Variants in EGFR observed in about 807,000 individuals in gnomAD.
The protein encoded by EGFR is epidermal growth factor receptor, also known as avian erythroblastic leukemia viral (v-erb-b) oncogene homolog.
A neutral mutation model predicts 143.0 loss-of-function variants in EGFR; 58 were observed. The ratio of observed to expected loss-of-function variants is 0.41; its 90% CI spans 0.33 to 0.50. The LOEUF (loss-of-function observed/expected upper bound fraction) is 0.50, where lower values mean the gene tolerates loss of function less well. Ranked by LOEUF, EGFR falls within the 20% of genes least tolerant of loss-of-function variation. The pLI is 0.39. For missense variants in EGFR, 1,307 were observed against 1,579.0 expected, an observed-to-expected ratio of 0.83 and a Z score of 2.92; for synonymous variants, 613 against 594.4, an observed-to-expected ratio of 1.03 and a Z score of -0.45.
chr7:55,165,232 G>A (rs2128945936), intron 14 of EGFR, 48 bp from the exon 15 acceptor site: 4 of 1,613,184 alleles, frequency 2.5e-6, no homozygotes, highest in Admixed American at 1.7e-5. Flanking sequence ...CATTTTGAAA[G>A]AGAAAAGAAA....
At chr7:55,148,590 A>G (rs1794886044) in intron 4 of EGFR, among the ~76,000 whole-genome samples, 1 of 152,256 alleles carries the variant, frequency 6.6e-6, no homozygotes, top group Non-Finnish European at 1.5e-5. Context: ...TCCTTATTCA[A>G]TAAATTGTCT....
At chr7:55,085,131 A>G (rs1479834564) in intron 1 of EGFR, among the ~76,000 whole-genome samples, 3 of 152,126 alleles carry the variant, frequency 2.0e-5, no homozygotes, top group African/African-American at 7.2e-5. Flanking sequence ...AGCCTACAGG[A>G]CAACAGTCAG....
At chr7:55,100,360 G>A (rs551816874) in intron 1 of EGFR, among the ~76,000 whole-genome samples, 119 of 152,326 alleles carry the variant, frequency 7.8e-4, no homozygotes, top group African/African-American at 2.7e-3. Flanking sequence ...GCACACAACC[G>A]CCATCTCTGC....
intron 1 of EGFR, among the ~76,000 whole-genome samples, chr7:55,095,096 G>A (rs1164144369): frequency 6.6e-6 from 1 of 152,162 alleles, no homozygotes; most frequent in Non-Finnish European, 1.5e-5. Flanking sequence ...GATTCTCCCT[G>A]ACGCTAGCAC....
At chr7:55,179,506 C>T (rs1412868607) in intron 19 of EGFR, among the ~76,000 whole-genome samples, 2 of 152,132 alleles carry the variant, frequency 1.3e-5, no homozygotes, top group Admixed American at 6.6e-5. Context: ...GAGGTTCTCC[C>T]GTGGGTAAGG....
At chr7:55,198,690 C>G in intron 22 of EGFR, 27 bp from the exon 23 acceptor site, 2 of 1,614,136 alleles carry the variant, frequency 1.2e-6, no homozygotes, top group South Asian at 2.2e-5. Context: ...GATCCCACTG[C>G]CTTCTTTTCT....
chr7:55,092,389 C>A (rs1791180220), intron 1 of EGFR, among the ~76,000 whole-genome samples: 1 of 152,174 alleles, frequency 6.6e-6, no homozygotes, highest in Non-Finnish European at 1.5e-5. Context: ...TGGTATTAGT[C>A]CCTGCCTCAC....
chr7:55,124,699 G>A (rs1793418949), intron 1 of EGFR, among the ~76,000 whole-genome samples: 1 of 152,144 alleles, frequency 6.6e-6, no homozygotes, highest in African/African-American at 2.4e-5. Flanking sequence ...TTCCTCTACA[G>A]CCCTAGCTGA....
At chr7:55,107,307 G>C (rs963494873) in intron 1 of EGFR, among the ~76,000 whole-genome samples, 2 of 152,102 alleles carry the variant, frequency 1.3e-5, no homozygotes, top group Admixed American at 1.3e-4. Flanking sequence ...CAAGCAAAAC[G>C]ATCACTCGAA....
In EGFR at chr7:55,121,414, C is replaced by T. The variant is rs1584093045; in HGVS notation, c.89-20872C>T. Among the ~76,000 whole-genome samples the T allele has an allele frequency of 3.3e-5, 5 of 152,322 alleles. No individual in the cohort carries two copies. In the South Asian group the frequency reaches 1.0e-3, roughly 32 times the overall value. On this transcript the variant is annotated intron_variant, in intron 1 of 27. Transcript: ENST00000275493. The stretch of plus-strand genomic sequence containing the variant: ...CGTTTCAGTGGCATTGTGTGTTACC[C>T]TTCTTAGGTAACAGCTCAGCCATTA...
chr7:55,201,438 A>G (rs2128971993), intron 25 of EGFR, 83 bp downstream of exon 25: 1 of 1,580,984 alleles, frequency 6.3e-7, no homozygotes, highest in African/African-American at 1.3e-5. Context: ...ATAACCATCT[A>G]GTGAAACTCA....
intron 8 of EGFR, 89 bp from the exon 9 acceptor site, chr7:55,156,444 T>C: frequency 6.3e-7 from 1 of 1,584,974 alleles, no homozygotes; most frequent in Non-Finnish European, 8.6e-7. Context: ...GTGACCGGAA[T>C]TCCTTCCTGC....
intron 1 of EGFR, among the ~76,000 whole-genome samples, chr7:55,108,189 T>A (rs1164117592): frequency 1.3e-5 from 2 of 152,232 alleles, no homozygotes; most frequent in Non-Finnish European, 2.9e-5. Flanking sequence ...AGAAAAGCCC[T>A]GAGTGATAAG....
chr7:55,124,675 T>C (rs931488259), intron 1 of EGFR, among the ~76,000 whole-genome samples: 7 of 152,180 alleles, frequency 4.6e-5, no homozygotes, highest in East Asian at 3.8e-4. Context: ...TGATCATCCA[T>C]TGGGTGCCCT....
rs1410252043 is a variant in EGFR at position 55,165,445 on chromosome 7, G to A, written c.1880+8G>A. The A allele has an allele frequency of 6.2e-7, 1 of 1,606,634 alleles. No homozygotes were observed. Among genetic ancestry groups the A allele is most frequent in the Non-Finnish European group, 8.5e-7 (1 of 1,174,754 alleles). On this transcript the variant is annotated splice_region_variant and intron_variant, in intron 15 of 27. Transcript: ENST00000275493. ...TCCAAACTGCACCTACGGGTGAGTG[G>A]AAAGTGAAGGAGAACAGAACATTTC...
rs771210838 is a variant in EGFR, at chr7:55,019,288, C to A, written c.11C>A (p.Ser4Tyr). The A allele has an allele frequency of 1.3e-6, 2 of 1,505,826 alleles. No homozygotes were observed. Among genetic ancestry groups the A allele is most frequent in the Admixed American group, 2.0e-5 (1 of 50,822 alleles). 93.3% of individuals were successfully genotyped at this position (1,505,826 alleles called of 1,614,324 possible). Residue 4 changes from serine (S) to tyrosine (Y), a missense_variant, in exon 1 of 28, where the codon TCC becomes TAC. Physicochemically the swap from Ser to Tyr is moderately radical, Grantham distance 144. Around this residue, in one of 7 missense-constraint regions of EGFR, gnomAD observed 65 missense variants for 37.8 expected, o/e 1.72. Transcript: ENST00000275493. MRP[S>Y]GTAGAALLAL... ...CTTCGGGGAGCAGCGATGCGACCCT[C>A]CGGGACGGCCGGGGCAGCGCTCCTG...
chr7:55,105,045 C>G (rs1792049929), intron 1 of EGFR, among the ~76,000 whole-genome samples: 1 of 152,136 alleles, frequency 6.6e-6, no homozygotes, highest in South Asian at 2.1e-4. Flanking sequence ...TGCAGGGGTG[C>G]CCCTTTATAA....
At chr7:55,105,833 A>C (rs1175669805) in intron 1 of EGFR, among the ~76,000 whole-genome samples, 1 of 152,250 alleles carries the variant, frequency 6.6e-6, no homozygotes, top group Non-Finnish European at 1.5e-5. Context: ...TGTTAAAAAA[A>C]ACACATCTGT....
At chr7:55,052,597 G>A (rs987645760) in intron 1 of EGFR, among the ~76,000 whole-genome samples, 5 of 152,230 alleles carry the variant, frequency 3.3e-5, no homozygotes, top group Admixed American at 2.0e-4. Context: ...GGAAGCTTGC[G>A]AAGCTCAGGT....
Sources: allele counts gnomAD v4.1 joint callset (sites outside exome capture counted in the v4.1 genomes callset), GRCh38; gene constraint gnomAD v4.1.1; regional missense constraint gnomAD v4.1.1; transcripts MANE v1.5; gene names NCBI Gene and HGNC (gene_info 2026-07-23, HGNC 2026-07-21).